Variants in PRR16 observed in about 807,000 individuals in gnomAD.
The protein encoded by PRR16 is proline rich 16.
A neutral mutation model predicts 18.2 loss-of-function variants in PRR16; 6 were observed. The observed-to-expected ratio is 0.33, with a 90% CI of 0.18 to 0.65. The LOEUF (loss-of-function observed/expected upper bound fraction) is 0.65. Ranked by LOEUF, PRR16 falls within the 30% of genes least tolerant of loss-of-function variation. PRR16 has a pLI of 0.74. For missense variants in PRR16, 412 were observed against 376.6 expected (o/e 1.09, Z -0.78); for synonymous variants, 151 against 147.8 (o/e 1.02, Z -0.16).
chr5:120,567,481 G>A (rs1031076439), intron 1 of PRR16, among the ~76,000 whole-genome samples: 2 of 152,084 alleles, frequency 1.3e-5, no homozygotes, highest in Non-Finnish European at 2.9e-5. Flanking sequence ...ACAACTTCCT[G>A]TCTTCTGAGG....
At chr5:120,730,291 A>G in the PRR16 span, among the ~76,000 whole-genome samples, 115,585 of 152,002 alleles carry the variant, frequency 0.76, 44,232 homozygotes, top group East Asian at 0.9. Context: ...ATTAATCATG[A>G]TACAACCAGG....
chr5:120,510,171 T>G (rs975542288), intron 1 of PRR16, among the ~76,000 whole-genome samples: 2 of 152,210 alleles, frequency 1.3e-5, no homozygotes, highest in African/African-American at 4.8e-5. Flanking sequence ...TTACTCTGAC[T>G]TAGTGTTAAT....
intron 1 of PRR16, among the ~76,000 whole-genome samples, chr5:120,486,671 T>A (rs1749811908): frequency 6.6e-6 from 1 of 152,216 alleles, no homozygotes; most frequent in African/African-American, 2.4e-5. Context: ...TTTGCCATTT[T>A]TGTCTTTTGT....
intron 1 of PRR16, among the ~76,000 whole-genome samples, chr5:120,667,379 A>AT (rs1468095349): frequency 6.6e-6 from 1 of 150,828 alleles, no homozygotes; most frequent in Non-Finnish European, 1.5e-5. Context: ...TGGTCTATCA[A>AT]TTTTGTTGAT....
At chr5:120,778,398 A>G in the PRR16 span, among the ~76,000 whole-genome samples, 1 of 152,286 alleles carries the variant, frequency 6.6e-6, no homozygotes, top group South Asian at 2.1e-4. Context: ...TTAATCTTAC[A>G]TTATTCATGT....
intron 1 of PRR16, among the ~76,000 whole-genome samples, chr5:120,539,870 G>C (rs13165484): frequency 6.6e-6 from 1 of 151,864 alleles, no homozygotes. Flanking sequence ...TAGTTAACAT[G>C]TGTAATGGTA....
the PRR16 span, among the ~76,000 whole-genome samples, chr5:120,696,343 T>C: frequency 6.6e-6 from 1 of 152,174 alleles, no homozygotes; most frequent in Non-Finnish European, 1.5e-5. Flanking sequence ...TAATTAAATA[T>C]GCTTTTGTAG....
At chr5:120,625,246 T>A in intron 1 of PRR16, among the ~76,000 whole-genome samples, 1 of 152,196 alleles carries the variant, frequency 6.6e-6, no homozygotes, top group East Asian at 1.9e-4. Flanking sequence ...TCAGTGATGT[T>A]CTATCTTGAA....
intron 1 of PRR16, among the ~76,000 whole-genome samples, chr5:120,672,652 A>T (rs1374601597): frequency 6.6e-6 from 1 of 152,044 alleles, no homozygotes. Flanking sequence ...TGGATACAGC[A>T]TACTCTTATT....
the PRR16 span, among the ~76,000 whole-genome samples, chr5:120,695,145 C>T: frequency 2.6e-5 from 4 of 152,062 alleles, no homozygotes; most frequent in African/African-American, 9.7e-5. Context: ...TCAAACCACC[C>T]TTTATGACAA....
intron 1 of PRR16, among the ~76,000 whole-genome samples, chr5:120,573,940 A>G (rs1451780681): frequency 1.3e-5 from 2 of 152,110 alleles, no homozygotes; most frequent in African/African-American, 4.8e-5. Context: ...TAGTATAGCA[A>G]AAATGGTATA....
the PRR16 span, among the ~76,000 whole-genome samples, chr5:120,765,398 A>C: frequency 6.6e-6 from 1 of 152,170 alleles, no homozygotes; most frequent in African/African-American, 2.4e-5. Flanking sequence ...CAGTGGTGAA[A>C]AGCTGTTTAG....
At chr5:120,705,982 C>T in the PRR16 span, among the ~76,000 whole-genome samples, 1 of 152,150 alleles carries the variant, frequency 6.6e-6, no homozygotes, top group South Asian at 2.1e-4. Flanking sequence ...CAAAAATTCA[C>T]ATTGTATCTT....
intron 1 of PRR16, among the ~76,000 whole-genome samples, chr5:120,545,268 A>G (rs1440079186): frequency 2.0e-5 from 3 of 152,092 alleles, no homozygotes; most frequent in African/African-American, 7.2e-5. Context: ...ATAAAATTAG[A>G]TTTCGTTAGA....
the PRR16 span, among the ~76,000 whole-genome samples, chr5:120,775,748 A>C: frequency 1.4e-5 from 2 of 146,308 alleles, no homozygotes; most frequent in Non-Finnish European, 3.0e-5. Flanking sequence ...CTCCAGCCTC[A>C]GCCTCCCGAG....
At position 120,686,251 on chromosome 5, in the gene PRR16, C is replaced by G. The variant is rs1186701837; in HGVS notation, c.457C>G (p.Leu153Val). 1 of 1,614,066 alleles carries G rather than the reference C, an allele frequency of 6.2e-7. No homozygotes were observed. Among genetic ancestry groups the G allele is most frequent in the Non-Finnish European group, 8.5e-7 (1 of 1,180,006 alleles). Residue 153 changes from leucine (L) to valine (V), a missense_variant, in exon 2 of 2, where the codon CTT (leucine) becomes GTT (valine). Transcript: ENST00000407149. Reference protein sequence around the residue: ...TANPVKTNGTLLRNGGLPGGP... With the variant: ...TANPVKTNGTVLRNGGLPGGP... ...CAATCCTGTAAAAACCAATGGCACC[C>G]TTCTACGAAATGGAGGCTTACCAGG...
rs147657224 is a variant in PRR16, at chr5:120,468,560, T to TC, written c.159+3916dup. On this transcript the variant is annotated intron_variant, in intron 1 of 1. Coordinates refer to ENST00000407149, the MANE Select transcript of PRR16 (RefSeq NM_001300783.2). ...TAGAGTAGGTGTGAGTGATACTTTTTCACTAAGAAATGTAGAAACAAAGCA... is the reference window on the plus strand; with the variant it reads ...TAGAGTAGGTGTGAGTGATACTTTTTCCACTAAGAAATGTAGAAACAAAGCA... 3.7e-3 allele frequency among the ~76,000 whole-genome samples: 559 copies of TC among 152,318 alleles called. 2 individuals are homozygous for TC. Among genetic ancestry groups the TC allele is most frequent in the Non-Finnish European group, 5.0e-3 (337 of 68,008 alleles).
At chr5:120,539,184 C>T (rs1048570366) in intron 1 of PRR16, among the ~76,000 whole-genome samples, 5 of 151,338 alleles carry the variant, frequency 3.3e-5, no homozygotes, top group Non-Finnish European at 7.4e-5. Context: ...TTGAAGAATG[C>T]TAGGTTTTTA....
chr5:120,611,408 AGCCCCTGCCATCACAG>A (rs1349885170), intron 1 of PRR16, among the ~76,000 whole-genome samples: 1 of 152,148 alleles, frequency 6.6e-6, no homozygotes, highest in East Asian at 1.9e-4. Flanking sequence ...CCTTCACAGC[AGCCCCTGCCATCACAG>A]GCCCAGAGGC....
Sources: allele counts gnomAD v4.1 joint callset (sites outside exome capture counted in the v4.1 genomes callset), GRCh38; gene constraint gnomAD v4.1.1; transcripts MANE v1.5; gene names NCBI Gene and HGNC (gene_info 2026-07-23, HGNC 2026-07-21).